The following ASPRV1 variants were observed in gnomAD, a reference collection of about 807,000 sequenced individuals.
ASPRV1 encodes retroviral-like aspartic protease 1.
Under a neutral mutation model 11.0 loss-of-function variants are expected in ASPRV1, and 7 were observed. That is an observed-to-expected ratio of 0.64 (90% CI 0.36 to 1.20). ASPRV1 has a LOEUF of 1.20. Among genes scored for constraint, ASPRV1 ranks in the 50% most tolerant of loss-of-function variants. The probability of loss-of-function intolerance (pLI) is 0.02; values close to 1 mark genes in which losing one functional copy is unlikely to be tolerated. For synonymous variants in ASPRV1, 136 were observed against 138.4 expected, an observed-to-expected ratio of 0.98 and a Z score of 0.12; for missense variants, 299 against 320.0, an observed-to-expected ratio of 0.93 and a Z score of 0.50.
chr2:69,993,987 G>C, the ASPRV1 span: 2 of 152,342 alleles, frequency 1.3e-5, no homozygotes, highest in African/African-American at 4.8e-5. Context: ...TAAGGCACTT[G>C]GTTCAGACGC....
At position 69,960,191 on chromosome 2, in the gene ASPRV1, C is replaced by G. The variant is rs1385104889; in HGVS notation, c.*466G>C. The G allele has an allele frequency of 3.1e-5, 5 of 160,642 alleles. No individual in the cohort carries two copies. The highest frequency in any genetic ancestry group is 3.0e-4 in the Admixed American group (5 of 16,668). The allele number at this position is 160,642 out of a possible 1,614,324, so 10.0% of individuals were successfully genotyped here. On this transcript the variant is annotated 3_prime_UTR_variant, in exon 1 of 1. Transcript: ENST00000320256. ...ATGACAGAAAGAAAATACGATTGTA[C>G]AGGTGGAAAGGCTCTTCAGGGAGGT... is the stretch of plus-strand genomic sequence containing the variant.
At chr2:69,967,309 T>C in the ASPRV1 span, among the ~76,000 whole-genome samples, 505 of 152,242 alleles carry the variant, frequency 3.3e-3, 4 homozygotes, top group African/African-American at 0.011. Flanking sequence ...CCGGGCAAGA[T>C]GGCAGCCCAA....
chr2:69,947,324 C>T, the ASPRV1 span, among the ~76,000 whole-genome samples: 1 of 152,260 alleles, frequency 6.6e-6, no homozygotes, highest in African/African-American at 2.4e-5. Flanking sequence ...GAAAAGTATT[C>T]TTTTGGAACT....
At chr2:70,046,965 T>C in the ASPRV1 span, among the ~76,000 whole-genome samples, 9 of 152,184 alleles carry the variant, frequency 5.9e-5, no homozygotes, top group African/African-American at 1.9e-4. Flanking sequence ...TACGGAGGGA[T>C]GAAAGTATGA....
chr2:70,026,916 A>C, the ASPRV1 span, among the ~76,000 whole-genome samples: 1 of 152,132 alleles, frequency 6.6e-6, no homozygotes, highest in African/African-American at 2.4e-5. Flanking sequence ...AGAAAGAACA[A>C]AACTAGAGGC....
chr2:70,004,178 T>C, the ASPRV1 span, among the ~76,000 whole-genome samples: 30 of 152,010 alleles, frequency 2.0e-4, no homozygotes, highest in Non-Finnish European at 4.1e-4. Flanking sequence ...AGCCTGAAAG[T>C]CTGAGATAGA....
chr2:69,992,889 A>C, the ASPRV1 span, among the ~76,000 whole-genome samples: 4 of 152,350 alleles, frequency 2.6e-5, no homozygotes, highest in South Asian at 4.1e-4. Context: ...GTCAAGACAG[A>C]GACCTCCTGG....
the ASPRV1 span, chr2:69,998,224 A>C: frequency 6.6e-6 from 1 of 152,162 alleles, no homozygotes; most frequent in Admixed American, 6.5e-5. Context: ...CGCTAAAAGA[A>C]GTCTCTTGAT....
chr2:70,066,064 C>T, the ASPRV1 span, among the ~76,000 whole-genome samples: 1 of 151,512 alleles, frequency 6.6e-6, no homozygotes, highest in South Asian at 2.1e-4. Flanking sequence ...CAAAAATTAG[C>T]TGGGCATGGT....
At chr2:70,063,231 CAT>C in the ASPRV1 span, among the ~76,000 whole-genome samples, 213 of 152,316 alleles carry the variant, frequency 1.4e-3, 1 homozygote, top group Non-Finnish European at 2.2e-3. Context: ...CTACTTGGCA[CAT>C]GAGTGCCCCC....
chr2:69,962,123 G>A (rs1457585352), upstream of ASPRV1: 2 of 176,704 alleles, frequency 1.1e-5, no homozygotes, highest in Admixed American at 6.1e-5. Context: ...GATCCTATGG[G>A]ATTTCCTGGA....
At chr2:69,946,683 T>TG in the ASPRV1 span, among the ~76,000 whole-genome samples, 3 of 151,716 alleles carry the variant, frequency 2.0e-5, 1 homozygote, top group African/African-American at 7.3e-5. Flanking sequence ...CATTAGAGGG[T>TG]GGGGAAGTGT....
chr2:70,060,605 G>A, the ASPRV1 span, among the ~76,000 whole-genome samples: 4 of 152,078 alleles, frequency 2.6e-5, no homozygotes, highest in Non-Finnish European at 5.9e-5. Flanking sequence ...CTGAGGTCAG[G>A]AGTTTGAGAC....
the ASPRV1 span, among the ~76,000 whole-genome samples, chr2:70,024,658 T>G: frequency 6.6e-6 from 1 of 152,194 alleles, no homozygotes; most frequent in African/African-American, 2.4e-5. Context: ...TCCTCTTTCC[T>G]TTCCCTGCCT....
the ASPRV1 span, among the ~76,000 whole-genome samples, chr2:70,041,422 G>A: frequency 1.3e-5 from 2 of 152,142 alleles, no homozygotes; most frequent in African/African-American, 4.8e-5. Context: ...CGACCCACCT[G>A]TAACACCGCC....
upstream of ASPRV1, chr2:69,962,199 GACACAC>G (rs56262722): frequency 0.04 from 6,358 of 160,652 alleles, 108 homozygotes; most frequent in African/African-American, 0.077. Context: ...AGTGAGTGAG[GACACAC>G]ACACACACAC....
chr2:69,988,283 G>A, the ASPRV1 span, among the ~76,000 whole-genome samples: 1 of 152,192 alleles, frequency 6.6e-6, no homozygotes, highest in African/African-American at 2.4e-5. Flanking sequence ...CCCACGCATG[G>A]CTGAACAGAT....
the ASPRV1 span, among the ~76,000 whole-genome samples, chr2:70,011,105 G>C: frequency 6.6e-6 from 1 of 152,072 alleles, no homozygotes; most frequent in Non-Finnish European, 1.5e-5. Flanking sequence ...GGACCTCCTT[G>C]AGGGTGGAGG....
the ASPRV1 span, among the ~76,000 whole-genome samples, chr2:70,082,913 A>C: frequency 6.6e-6 from 1 of 152,130 alleles, no homozygotes; most frequent in Non-Finnish European, 1.5e-5. Flanking sequence ...ATAAAAATTA[A>C]AAATAAAAAA....
Sources: gnomAD v4.1 joint callset for allele counts (sites outside exome capture counted in the v4.1 genomes callset) on GRCh38, gnomAD v4.1.1 for gene constraint, MANE v1.5 for transcripts, NCBI Gene and HGNC (gene_info 2026-07-23, HGNC 2026-07-21) for gene names.